Variants in FBXW10B observed in about 807,000 individuals in gnomAD.
The protein encoded by FBXW10B is F-box and WD repeat domain containing protein 10B.
At chr17:15,609,640 A>C in the FBXW10B span, among the ~76,000 whole-genome samples, 10 of 151,942 alleles carry the variant, frequency 6.6e-5, no homozygotes, top group South Asian at 1.7e-3. Flanking sequence ...CACCTCCTCG[A>C]TCTATGGTGA....
At chr17:15,585,114 C>A in the FBXW10B span, among the ~76,000 whole-genome samples, 1 of 151,468 alleles carries the variant, frequency 6.6e-6, no homozygotes, top group African/African-American at 2.4e-5. Flanking sequence ...CTATAAATTA[C>A]CTTATTGGAA....
the FBXW10B span, among the ~76,000 whole-genome samples, chr17:15,566,857 G>A: frequency 1.3e-5 from 2 of 151,588 alleles, no homozygotes; most frequent in African/African-American, 4.8e-5. Flanking sequence ...AGCCACCACA[G>A]CCGGCCAATA....
chr17:15,612,763 T>C, the FBXW10B span: 1 of 1,614,112 alleles, frequency 6.2e-7, no homozygotes, highest in South Asian at 1.1e-5. Flanking sequence ...TCTACCATTT[T>C]AGGAACTGGG....
At chr17:15,609,968 T>A in the FBXW10B span, among the ~76,000 whole-genome samples, 2 of 151,290 alleles carry the variant, frequency 1.3e-5, no homozygotes, top group Admixed American at 6.6e-5. Context: ...TCAAGTGATT[T>A]TTCTGCCTCA....
chr17:15,573,006 G>A, the FBXW10B span: 2 of 152,100 alleles, frequency 1.3e-5, no homozygotes, highest in Non-Finnish European at 2.9e-5. Flanking sequence ...ATGATAGCTT[G>A]GACCAGGGTG....
the FBXW10B span, chr17:15,589,184 C>T: frequency 5.6e-6 from 9 of 1,613,330 alleles, no homozygotes; most frequent in East Asian, 4.5e-5. Context: ...TTCCATCCCA[C>T]GTTAATTCTT....
chr17:15,587,840 A>G, the FBXW10B span, among the ~76,000 whole-genome samples: 1 of 152,190 alleles, frequency 6.6e-6, no homozygotes, highest in East Asian at 1.9e-4. Context: ...CTTGCTAAGA[A>G]ACGTGTTGTG....
chr17:15,577,775 A>G, the FBXW10B span, among the ~76,000 whole-genome samples: 873 of 152,254 alleles, frequency 5.7e-3, 13 homozygotes, highest in African/African-American at 0.019. Flanking sequence ...TCTCTTTTGC[A>G]TGGTTTGTAA....
At chr17:15,569,349 T>C in the FBXW10B span, among the ~76,000 whole-genome samples, 1 of 152,146 alleles carries the variant, frequency 6.6e-6, no homozygotes, top group South Asian at 2.1e-4. Flanking sequence ...TAAAATGATA[T>C]CTCAGTATGG....
chr17:15,595,622 G>A, the FBXW10B span, among the ~76,000 whole-genome samples: 9 of 152,150 alleles, frequency 5.9e-5, no homozygotes, highest in South Asian at 1.0e-3. Flanking sequence ...GCCTGCAACC[G>A]CTGGATTGGC....
the FBXW10B span, chr17:15,594,841 C>T: frequency 1.2e-6 from 2 of 1,614,052 alleles, no homozygotes; most frequent in African/African-American, 1.3e-5. Context: ...GAGGAGATGC[C>T]ACTGGTCAAA....
the FBXW10B span, among the ~76,000 whole-genome samples, chr17:15,595,510 A>G: frequency 6.6e-6 from 1 of 152,078 alleles, no homozygotes; most frequent in African/African-American, 2.4e-5. Flanking sequence ...GGAGCACTAG[A>G]GAGGGCCAGA....
the FBXW10B span, among the ~76,000 whole-genome samples, chr17:15,599,228 T>G: frequency 6.9e-4 from 98 of 141,678 alleles, 2 homozygotes; most frequent in African/African-American, 2.6e-3. Context: ...AAGAATTAAA[T>G]GGACTAATAC....
chr17:15,589,720 G>A, the FBXW10B span, among the ~76,000 whole-genome samples: 1 of 151,842 alleles, frequency 6.6e-6, no homozygotes, highest in African/African-American at 2.4e-5. Context: ...GTTTTTGACC[G>A]ACACTTAGGA....
At chr17:15,611,983 G>GA in the FBXW10B span, among the ~76,000 whole-genome samples, 1 of 152,166 alleles carries the variant, frequency 6.6e-6, no homozygotes, top group Non-Finnish European at 1.5e-5. Flanking sequence ...AGGCATTCTG[G>GA]AACCAGCCCT....
At chr17:15,597,251 A>C in the FBXW10B span, among the ~76,000 whole-genome samples, 1 of 147,914 alleles carries the variant, frequency 6.8e-6, no homozygotes, top group Non-Finnish European at 1.5e-5. Flanking sequence ...CTGCTGCTTC[A>C]ACACAGACTG....
At chr17:15,588,631 T>C in the FBXW10B span, 1 of 530,958 alleles carries the variant, frequency 1.9e-6, no homozygotes, top group South Asian at 2.0e-5. Context: ...ACTTTACTCT[T>C]AGCTAGCAAA....
At chr17:15,581,661 G>A in the FBXW10B span, among the ~76,000 whole-genome samples, 8 of 151,804 alleles carry the variant, frequency 5.3e-5, no homozygotes, top group South Asian at 2.1e-4. Flanking sequence ...GGAGTGGAGC[G>A]GCTTATGTTG....
chr17:15,597,845 A>G, the FBXW10B span, among the ~76,000 whole-genome samples: 2 of 152,236 alleles, frequency 1.3e-5, no homozygotes, highest in African/African-American at 4.8e-5. Context: ...TGACATGCTC[A>G]TCGTCACAAG....
Sources: gnomAD v4.1 joint callset for allele counts (sites outside exome capture counted in the v4.1 genomes callset) on GRCh38, gnomAD v4.1.1 for gene constraint, MANE v1.5 for transcripts, NCBI Gene and HGNC (gene_info 2026-07-23, HGNC 2026-07-21) for gene names.